Variants in GTF2E1 observed in about 807,000 individuals in gnomAD.
GTF2E1 encodes TFIIE alpha subunit.
Under a neutral mutation model 34.9 loss-of-function variants are expected in GTF2E1, and 14 were observed. The observed-to-expected ratio is 0.40, with a 90% CI of 0.27 to 0.63. GTF2E1 has a LOEUF of 0.63. Ranked by LOEUF, GTF2E1 falls within the 20% of genes least tolerant of loss-of-function variation. The probability of loss-of-function intolerance (pLI) is 0.39; values close to 1 mark genes in which losing one functional copy is unlikely to be tolerated. For missense variants in GTF2E1, 469 were observed against 557.7 expected (o/e 0.84, Z 1.60); for synonymous variants, 188 against 192.9 (o/e 0.97, Z 0.21).
At chr3:120,754,733 G>A (rs1482908798) in intron 2 of GTF2E1, among the ~76,000 whole-genome samples, 1 of 151,978 alleles carries the variant, frequency 6.6e-6, no homozygotes, top group Non-Finnish European at 1.5e-5. Flanking sequence ...CCCTTTTACT[G>A]CATTCACCTA....
chr3:120,775,644 A>G (rs901804141), intron 3 of GTF2E1, among the ~76,000 whole-genome samples: 1 of 152,222 alleles, frequency 6.6e-6, no homozygotes, highest in Non-Finnish European at 1.5e-5. Context: ...TTAAGTGACT[A>G]GAAGATAAGG....
In GTF2E1 at chr3:120,764,129, G is replaced by C. The variant is rs186721949; in HGVS notation, c.449-6599G>C. ...GCTTTTACATTGTTATATGAGAGAGGCCTACCCTGAGTTTCCTATATAATA... is the reference window on the plus strand; with the variant it reads ...GCTTTTACATTGTTATATGAGAGAGCCCTACCCTGAGTTTCCTATATAATA... On this transcript the variant is annotated intron_variant, in intron 2 of 4. Coordinates refer to ENST00000283875, the MANE Select transcript of GTF2E1 (RefSeq NM_005513.3). Among the ~76,000 whole-genome samples, 26 of 152,130 alleles carry C rather than the reference G, an allele frequency of 1.7e-4. No individual in the cohort carries two copies. The East Asian group carries it at 4.6e-3, about 27-fold the overall frequency.
At chr3:120,743,669 ATCATT>A (rs1330089613) in intron 1 of GTF2E1, among the ~76,000 whole-genome samples, 1 of 152,180 alleles carries the variant, frequency 6.6e-6, no homozygotes, top group Non-Finnish European at 1.5e-5. Flanking sequence ...ATGAGGAAAT[ATCATT>A]TGAGACTTGA....
At chr3:120,768,079 A>G (rs1709323525) in intron 2 of GTF2E1, among the ~76,000 whole-genome samples, 1 of 152,168 alleles carries the variant, frequency 6.6e-6, no homozygotes, top group Non-Finnish European at 1.5e-5. Context: ...TTGGGAGGAC[A>G]TTTTTTTAAA....
At position 120,781,749 on chromosome 3, in the gene GTF2E1, C is replaced by T. The variant is rs1264222556; in HGVS notation, c.*279C>T. Reference sequence around the variant, plus strand: ...TTTTTTTTGGAGATGAAGTCTCACTCTTGTACCCCAGGCTGGAGTGCAATG... The same window carrying T: ...TTTTTTTTGGAGATGAAGTCTCACTTTTGTACCCCAGGCTGGAGTGCAATG... On this transcript the variant is annotated 3_prime_UTR_variant, in exon 5 of 5. Coordinates refer to ENST00000283875, the MANE Select transcript of GTF2E1 (RefSeq NM_005513.3). The T allele has an allele frequency of 5.6e-5, 15 of 269,466 alleles. No individual in the cohort carries two copies. The highest frequency in any genetic ancestry group is 2.6e-4 in the African/African-American group (11 of 41,620). 16.7% of individuals were successfully genotyped at this position (269,466 alleles called of 1,614,324 possible). A position where few individuals can be genotyped will look rare whatever the true frequency, so the allele number is the denominator to read the frequency against.
At chr3:120,749,774 A>G (rs1275350457) in intron 1 of GTF2E1, 3 of 152,170 alleles carry the variant, frequency 2.0e-5, no homozygotes, top group East Asian at 1.9e-4. Flanking sequence ...CTATATGCCA[A>G]TGTGGGCTTT....
At chr3:120,747,968 T>A (rs1047336595) in intron 1 of GTF2E1, among the ~76,000 whole-genome samples, 11 of 152,066 alleles carry the variant, frequency 7.2e-5, no homozygotes, top group Non-Finnish European at 1.3e-4. Context: ...GGTATCTCAT[T>A]GTGGTTTTGA....
chr3:120,755,448 T>C (rs1709200171), intron 2 of GTF2E1, among the ~76,000 whole-genome samples: 1 of 152,190 alleles, frequency 6.6e-6, no homozygotes, highest in African/African-American at 2.4e-5. Context: ...CTTCTCTTTC[T>C]ACTTAGAATA....
intron 1 of GTF2E1, among the ~76,000 whole-genome samples, chr3:120,749,332 A>G (rs1224136964): frequency 6.6e-6 from 1 of 152,146 alleles, no homozygotes; most frequent in Non-Finnish European, 1.5e-5. Context: ...GTCTTGTGCC[A>G]GTTTTCAAAG....
chr3:120,756,228 CAG>C (rs1709208131), intron 2 of GTF2E1, among the ~76,000 whole-genome samples: 1 of 152,200 alleles, frequency 6.6e-6, no homozygotes, highest in Non-Finnish European at 1.5e-5. Flanking sequence ...TTCCCACCAA[CAG>C]TGTACGACAG....
intron 4 of GTF2E1, among the ~76,000 whole-genome samples, chr3:120,777,976 G>A (rs1394793504): frequency 2.6e-5 from 4 of 152,136 alleles, no homozygotes; most frequent in Admixed American, 2.6e-4. Flanking sequence ...TGCCTGCCTC[G>A]GCCTCCCAAA....
intron 1 of GTF2E1, among the ~76,000 whole-genome samples, chr3:120,743,826 G>A (rs1576353768): frequency 6.6e-6 from 1 of 152,314 alleles, no homozygotes; most frequent in East Asian, 1.9e-4. Context: ...GGCTGACAGG[G>A]TAGACAGAGG....
Position 120,750,974 on chromosome 3 carries a change from C to G in GTF2E1, c.422C>G (p.Ala141Gly). The change falls in exon 2 of 5, where the codon GCT becomes GGT. Residue 141 changes from alanine (A) to glycine (G), a missense_variant. Transcript: ENST00000283875. ...VCSSTFTDLEANQLFDPMTGT... is the reference protein window; with the variant it reads ...VCSSTFTDLEGNQLFDPMTGT... ...AGTAGTACTTTCACAGACTTAGAAG[C>G]TAATCAGCTCTTTGATCCTATGACA... The G allele has an allele frequency of 6.2e-7, 1 of 1,612,608 alleles. No homozygotes were observed. Among genetic ancestry groups the G allele is most frequent in the South Asian group, 1.1e-5 (1 of 91,038 alleles).
chr3:120,760,853 C>T (rs965174688), intron 2 of GTF2E1, among the ~76,000 whole-genome samples: 7 of 151,948 alleles, frequency 4.6e-5, no homozygotes, highest in South Asian at 2.1e-4. Flanking sequence ...ATTTTCACGT[C>T]GATGTTCATC....
At chr3:120,776,172 G>A (rs1178829807) in intron 3 of GTF2E1, among the ~76,000 whole-genome samples, 1 of 152,068 alleles carries the variant, frequency 6.6e-6, no homozygotes. Flanking sequence ...TAAAACCTCA[G>A]TCATTTATAT....
chr3:120,744,281 C>G (rs1709085730), intron 1 of GTF2E1, among the ~76,000 whole-genome samples: 1 of 152,100 alleles, frequency 6.6e-6, no homozygotes, highest in Non-Finnish European at 1.5e-5. Flanking sequence ...TACCTAAGAC[C>G]TCTAGAGATT....
chr3:120,763,027 C>A (rs964115284), intron 2 of GTF2E1, among the ~76,000 whole-genome samples: 1 of 152,120 alleles, frequency 6.6e-6, no homozygotes, highest in Non-Finnish European at 1.5e-5. Context: ...GCTCTGTTTA[C>A]ATCTTCAGAA....
At chr3:120,744,904 T>A (rs1487513152) in intron 1 of GTF2E1, among the ~76,000 whole-genome samples, 1 of 152,002 alleles carries the variant, frequency 6.6e-6, no homozygotes, top group Non-Finnish European at 1.5e-5. Context: ...ACATTAACTG[T>A]GTGAGCAGGG....
intron 1 of GTF2E1, among the ~76,000 whole-genome samples, chr3:120,749,191 A>T (rs1008746366): frequency 1.3e-5 from 2 of 152,108 alleles, no homozygotes; most frequent in South Asian, 2.1e-4. Context: ...CAATCATGTC[A>T]TCTGCAAACA....
Sources: allele counts gnomAD v4.1 joint callset (sites outside exome capture counted in the v4.1 genomes callset), GRCh38; gene constraint gnomAD v4.1.1; transcripts MANE v1.5; gene names NCBI Gene and HGNC (gene_info 2026-07-23, HGNC 2026-07-21).